The following ACSL1 variants were observed in gnomAD, a reference collection of about 807,000 sequenced individuals.
ACSL1 encodes the protein acyl-CoA synthetase long chain family member 1.
ACSL1 carries 41 observed loss-of-function variants against 98.4 expected under a neutral mutation model. The ratio of observed to expected loss-of-function variants is 0.42; its 90% confidence interval spans 0.32 to 0.54. The LOEUF (loss-of-function observed/expected upper bound fraction) is 0.54. ACSL1 is among the 20% of genes least tolerant of loss of function. The probability of loss-of-function intolerance (pLI) is 0.13; values close to 1 mark genes in which losing one functional copy is unlikely to be tolerated. For missense variants in ACSL1, 734 were observed against 883.1 expected, an observed-to-expected ratio of 0.83 and a Z score of 2.14; for synonymous variants, 316 against 322.7, an observed-to-expected ratio of 0.98 and a Z score of 0.22.
chr4:184,796,860 C>G (rs957424630), intron 2 of ACSL1, among the ~76,000 whole-genome samples: 4 of 152,200 alleles, frequency 2.6e-5, no homozygotes, highest in Non-Finnish European at 5.9e-5. Context: ...ACTGCAGAAA[C>G]AACCAGATGC....
chr4:184,816,820 G>A (rs149131672), intron 1 of ACSL1, among the ~76,000 whole-genome samples: 1 of 152,176 alleles, frequency 6.6e-6, no homozygotes, highest in East Asian at 1.9e-4. Flanking sequence ...TCATGTGCAG[G>A]ACAGTAAAAC....
chr4:184,783,202 G>A (rs1310037619), intron 4 of ACSL1, among the ~76,000 whole-genome samples: 1 of 152,130 alleles, frequency 6.6e-6, no homozygotes, highest in Admixed American at 6.5e-5. Context: ...AAACAGCAAC[G>A]TCTTCCTGCA....
intron 14 of ACSL1, among the ~76,000 whole-genome samples, chr4:184,765,627 C>T (rs939471805): frequency 6.6e-6 from 1 of 152,090 alleles, no homozygotes; most frequent in Non-Finnish European, 1.5e-5. Context: ...GAAAACTGCC[C>T]AGAGGGTAGA....
At chr4:184,807,539 C>T (rs1771582781) in intron 1 of ACSL1, among the ~76,000 whole-genome samples, 1 of 152,200 alleles carries the variant, frequency 6.6e-6, no homozygotes, top group South Asian at 2.1e-4. Flanking sequence ...CCAAGGAAAT[C>T]TGGGCACAAG....
chr4:184,812,490 T>C (rs1290929473), intron 1 of ACSL1, among the ~76,000 whole-genome samples: 1 of 151,856 alleles, frequency 6.6e-6, no homozygotes, highest in Non-Finnish European at 1.5e-5. Context: ...CAGAAAGGAG[T>C]AGAGAACATC....
At chr4:184,763,294 C>G in intron 15 of ACSL1, 39 bp from the exon 16 acceptor site, 1 of 1,570,168 alleles carries the variant, frequency 6.4e-7, no homozygotes, top group Non-Finnish European at 8.7e-7. Flanking sequence ...CCTAAGGGAA[C>G]TACTCATAAC....
chr4:184,794,343 A>G (rs1768959486), intron 2 of ACSL1, among the ~76,000 whole-genome samples: 1 of 152,122 alleles, frequency 6.6e-6, no homozygotes, highest in Non-Finnish European at 1.5e-5. Flanking sequence ...CCCCTCCACA[A>G]TAATTTCTAA....
intron 2 of ACSL1, among the ~76,000 whole-genome samples, chr4:184,801,626 C>G (rs1256783855): frequency 6.6e-6 from 1 of 152,122 alleles, no homozygotes; most frequent in Admixed American, 6.6e-5. Context: ...CTTTTAACTT[C>G]TTTTTTAAAA....
intron 2 of ACSL1, among the ~76,000 whole-genome samples, chr4:184,794,813 G>C (rs577501091): frequency 6.6e-6 from 1 of 152,288 alleles, no homozygotes; most frequent in African/African-American, 2.4e-5. Context: ...GGTCACCTGT[G>C]CCTGGCTGGG....
chr4:184,822,151 TTTA>T, intron 1 of ACSL1, among the ~76,000 whole-genome samples: 1 of 152,292 alleles, frequency 6.6e-6, no homozygotes, highest in South Asian at 2.1e-4. Flanking sequence ...GAGATTTTAT[TTTA>T]TTGTTTTTAC....
At chr4:184,811,235 A>C (rs1037250830) in intron 1 of ACSL1, among the ~76,000 whole-genome samples, 2 of 151,838 alleles carry the variant, frequency 1.3e-5, no homozygotes, top group Admixed American at 6.6e-5. Context: ...CAGCCTCCGG[A>C]GTAGCTGGAA....
chr4:184,788,428 G>T (rs1424513449), intron 3 of ACSL1, 189 bp downstream of exon 3: 2 of 681,394 alleles, frequency 2.9e-6, no homozygotes, highest in Non-Finnish European at 5.4e-6. Context: ...GAGCCCCCAG[G>T]GCCACAGGGA....
chr4:184,765,865 A>G, intron 14 of ACSL1, 26 bp downstream of exon 14: 1 of 1,603,888 alleles, frequency 6.2e-7, no homozygotes, highest in Non-Finnish European at 8.5e-7. Flanking sequence ...GTGTGGGAGA[A>G]TCAGGCGCCG....
rs1192826539 is a variant in ACSL1 at position 184,776,600 on chromosome 4, C to T, written c.640G>A (p.Glu214Lys). The change falls in exon 7 of 21, where the codon GAA becomes AAA. Residue 214 changes from glutamate (E) to lysine (K), a missense_variant. Transcript: ENST00000281455. Reference protein sequence around the residue: ...EKAKLLLEGVENKLIPGLKII... With the variant: ...EKAKLLLEGVKNKLIPGLKII... ...TTAAGGCCTGGTATTAACTTATTTT[C>T]TACACCCTCTAATAAGAGTTTGGCC... The T allele has an allele frequency of 6.2e-7, 1 of 1,614,052 alleles. No homozygotes were observed. Among genetic ancestry groups the T allele is most frequent in the South Asian group, 1.1e-5 (1 of 91,088 alleles).
At position 184,773,201 on chromosome 4, in the gene ACSL1, T is replaced by C. The variant is rs1415647837; in HGVS notation, c.842-47A>G. 1 of 1,549,874 alleles carries C rather than the reference T, an allele frequency of 6.5e-7. No individual in the cohort carries two copies. Among genetic ancestry groups the C allele is most frequent in the African/African-American group, 1.4e-5 (1 of 73,534 alleles). ...GAACAAAGTTAAAGAATGACAGAAATGAAGGAGGCCCAGAAACCTCACATA... is the reference window on the plus strand; with the variant it reads ...GAACAAAGTTAAAGAATGACAGAAACGAAGGAGGCCCAGAAACCTCACATA... On this transcript the variant is annotated intron_variant, in intron 9 of 20. Transcript: ENST00000281455. The surrounding 1 kb of genome is among the most constrained non-coding windows in gnomAD (Gnocchi z 4.3).
At chr4:184,795,068 T>C (rs1338749013) in intron 2 of ACSL1, among the ~76,000 whole-genome samples, 1 of 152,200 alleles carries the variant, frequency 6.6e-6, no homozygotes, top group Non-Finnish European at 1.5e-5. Context: ...AATGTCCAAA[T>C]TCCTACAAAT....
intron 1 of ACSL1, chr4:184,813,871 G>C: frequency 2.2e-6 from 1 of 456,184 alleles, no homozygotes; most frequent in Non-Finnish European, 4.4e-6. Flanking sequence ...TGGATGGAGA[G>C]GAAGCTCCAC....
chr4:184,770,719 A>T (rs77494356), intron 10 of ACSL1, among the ~76,000 whole-genome samples: 54 of 149,664 alleles, frequency 3.6e-4, no homozygotes, highest in East Asian at 1.4e-3. Flanking sequence ...TAATAAAATT[A>T]AAAAAAAAAG....
At position 184,756,904 on chromosome 4, in the gene ACSL1, G is replaced by T; in HGVS notation, c.*221C>A. The T allele has an allele frequency of 2.2e-6, 1 of 453,304 alleles. No individual in the cohort carries two copies. The highest frequency in any genetic ancestry group is 3.8e-6 in the Non-Finnish European group (1 of 262,730). 28.1% of individuals were successfully genotyped at this position (453,304 alleles called of 1,614,324 possible). ...TTTACAATTTTTAAGGCTCATTTTG[G>T]AAAGTGTGTATTACCATAAACATGG... On this transcript the variant is annotated 3_prime_UTR_variant, in exon 21 of 21. Transcript: ENST00000281455.
Sources: allele counts gnomAD v4.1 joint callset (sites outside exome capture counted in the v4.1 genomes callset), GRCh38; gene constraint gnomAD v4.1.1; non-coding constraint Gnocchi (gnomAD v3.1); transcripts MANE v1.5; gene names NCBI Gene and HGNC (gene_info 2026-07-23, HGNC 2026-07-21).